Variants in CYB5R2 observed in about 807,000 individuals in gnomAD.
The protein encoded by CYB5R2 is NADH-cytochrome b5 reductase 2.
CYB5R2 carries 35 observed loss-of-function variants against 29.8 expected under a neutral mutation model. The observed-to-expected ratio is 1.17, with a 90% CI of 0.90 to 1.56. CYB5R2 has a LOEUF of 1.56. Ranked by LOEUF, CYB5R2 falls within the 40% of genes most tolerant of loss-of-function variation. The probability of loss-of-function intolerance (pLI) is 0.00; values close to 1 mark genes in which losing one functional copy is unlikely to be tolerated. For missense variants in CYB5R2, 419 were observed against 346.7 expected (o/e 1.21, Z -1.66); for synonymous variants, 169 against 130.6 (o/e 1.29, Z -2.01).
rs778340206 is a variant in CYB5R2 at position 7,668,437 on chromosome 11, C to T, written c.472+41G>A. On this transcript the variant is annotated intron_variant, in intron 6 of 8. Coordinates refer to ENST00000299498, the MANE Select transcript of CYB5R2 (RefSeq NM_016229.5). ...ATGACTCCCAAGTCAGAATGGGTCT[C>T]GGGGCTCACTCTCTGGATGGAGCCC... 1.2e-5 allele frequency: 18 copies of T among 1,466,954 alleles called. No individual in the cohort carries two copies. In the South Asian group the frequency reaches 1.2e-4, roughly 10 times the overall value. 90.9% of individuals were successfully genotyped at this position (1,466,954 alleles called of 1,614,324 possible). A position where few individuals can be genotyped will look rare whatever the true frequency, so the allele number is the denominator to read the frequency against.
upstream of CYB5R2, chr11:7,673,977 G>A (rs1017029861): frequency 5.2e-5 from 58 of 1,106,924 alleles, no homozygotes; most frequent in African/African-American, 8.4e-4. Context: ...GGTCAGCCCT[G>A]CCCCCAGGGC....
Position 7,669,212 on chromosome 11 carries a change from A to C in CYB5R2, c.381T>G (p.His127Gln). 1 of 1,614,070 alleles carries C rather than the reference A, an allele frequency of 6.2e-7. No homozygotes were observed. The highest frequency in any genetic ancestry group is 8.5e-7 in the Non-Finnish European group (1 of 1,179,976). ...FRGPRGRLFY[H>Q]GPGNLGIRPD... ...TATTAACCCCTCCAGTACCTGGCCC[A>C]TGGTAAAACAAGCGTCCCCTTGGCC... Residue 127 changes from histidine (H) to glutamine (Q), a missense_variant, in exon 5 of 9, where the codon CAT (histidine) becomes CAG (glutamine). Physicochemically the swap from His to Gln is conservative, Grantham distance 24. Coordinates refer to ENST00000299498, the MANE Select transcript of CYB5R2 (RefSeq NM_016229.5).
At chr11:7,666,046 GGGGCTCA>G in intron 8 of CYB5R2, 1 of 791,960 alleles carries the variant, frequency 1.3e-6, no homozygotes. Flanking sequence ...CAGCTGTCTG[GGGGCTCA>G]GCATGTCCAG....
At chr11:7,667,846 C>G in intron 6 of CYB5R2, 33 bp from the exon 7 acceptor site, 1 of 1,585,168 alleles carries the variant, frequency 6.3e-7, no homozygotes, top group Non-Finnish European at 8.7e-7. Context: ...CCAGCTTTCT[C>G]CCTGTCTCTG....
At chr11:7,673,621 C>G (rs1308669208), upstream of CYB5R2, 4 of 985,368 alleles carry the variant, frequency 4.1e-6, no homozygotes, top group African/African-American at 3.5e-5. Context: ...GTTCCCGGCT[C>G]TAGCCGGCCT....
At chr11:7,666,835 G>C in intron 7 of CYB5R2, 1 of 282,372 alleles carries the variant, frequency 3.5e-6, no homozygotes, top group Non-Finnish European at 6.8e-6. Flanking sequence ...CCAAGCGCTG[G>C]CCAGGATGGC....
rs1855226813 is a variant in CYB5R2 at position 7,666,425 on chromosome 11, G to A, written c.658+26C>T. 4 of 1,472,918 alleles carry A rather than the reference G, an allele frequency of 2.7e-6. No homozygotes were observed. In the East Asian group the frequency reaches 9.0e-5, roughly 33 times the overall value. 91.2% of individuals were successfully genotyped at this position (1,472,918 alleles called of 1,614,324 possible). On this transcript the variant is annotated intron_variant, in intron 8 of 8. Coordinates refer to ENST00000299498, the MANE Select transcript of CYB5R2 (RefSeq NM_016229.5). Reference sequence around the variant, plus strand: ...GGTCAAGGGTTGGTGCTGACCCATGGTGAGTGAGGGCAATGGATGTCGTAC... The same window carrying A: ...GGTCAAGGGTTGGTGCTGACCCATGATGAGTGAGGGCAATGGATGTCGTAC...
At chr11:7,673,741 C>G (rs1010709436), upstream of CYB5R2, 4 of 985,768 alleles carry the variant, frequency 4.1e-6, no homozygotes, top group African/African-American at 1.8e-5. Flanking sequence ...CCCAACACGT[C>G]GTCGAACTGG....
Position 7,673,423 on chromosome 11 carries a change from C to T in CYB5R2, c.-71G>A. The T allele has an allele frequency of 1.0e-6, 1 of 989,616 alleles. No individual in the cohort carries two copies. Among genetic ancestry groups the T allele is most frequent in the Non-Finnish European group, 1.2e-6 (1 of 832,302 alleles). The allele number at this position is 989,616 out of a possible 1,614,324, so 61.3% of individuals were successfully genotyped here. A position where few individuals can be genotyped will look rare whatever the true frequency, so the allele number is the denominator to read the frequency against. On this transcript the variant is annotated 5_prime_UTR_variant, in exon 1 of 9. Transcript: ENST00000299498. ...CCTCCCCGCATCTGTCCCTACCCTACAAGGCCGCCCTGCTCCTCTCCCAAC... is the reference window on the plus strand; with the variant it reads ...CCTCCCCGCATCTGTCCCTACCCTATAAGGCCGCCCTGCTCCTCTCCCAAC...
At chr11:7,670,572 T>C (rs185232169) in intron 3 of CYB5R2, 7 of 152,292 alleles carry the variant, frequency 4.6e-5, no homozygotes, top group African/African-American at 7.2e-5. Flanking sequence ...GAAACAACAA[T>C]ATCATGTCTT....
rs144288987 is a variant in CYB5R2 at position 7,669,703 on chromosome 11, G to T, written c.180C>A (p.Ile60=). ...AAGCCCTGACCACCAATTCATTATC[G>T]ATTTTTGCCAAGAGCTGGACATAGT... ...VGNYVQLLAK[I]DNELVVRAYT... The change falls in exon 4 of 9, where the codon ATC becomes ATA. Residue 60 remains isoleucine, a synonymous_variant. Transcript: ENST00000299498. 9 of 1,614,038 alleles carry T rather than the reference G, an allele frequency of 5.6e-6. No homozygotes were observed. In the Admixed American group the frequency reaches 1.3e-4, roughly 24 times the overall value.
At chr11:7,666,121 G>A (rs1181830178) in intron 8 of CYB5R2, 7 of 616,706 alleles carry the variant, frequency 1.1e-5, no homozygotes, top group Non-Finnish European at 1.7e-5. Flanking sequence ...TGGTGAAGGG[G>A]TCAGTGCCCA....
chr11:7,665,698 C>T, intron 8 of CYB5R2, 152 bp from the exon 9 acceptor site: 1 of 1,152,000 alleles, frequency 8.7e-7, no homozygotes, highest in Non-Finnish European at 1.2e-6. Flanking sequence ...TGCAAAAAGC[C>T]TCAGAACTAG....
At position 7,665,364 on chromosome 11, in the gene CYB5R2, C is replaced by CATG. The variant is rs759937550; in HGVS notation, c.*9_*10insCAT. The CATG allele has an allele frequency of 5.6e-6, 8 of 1,438,834 alleles. No individual in the cohort carries two copies. The highest frequency in any genetic ancestry group is 7.4e-6 in the Non-Finnish European group (8 of 1,084,182). The allele number at this position is 1,438,834 out of a possible 1,614,324, so 89.1% of individuals were successfully genotyped here. A position where few individuals can be genotyped will look rare whatever the true frequency, so the allele number is the denominator to read the frequency against. ...AAGGGACATGCAAAATTGCTGAGCACGTGGAGGTGTTAGTAGGTGAAAATC... is the reference window on the plus strand; with the variant it reads ...AAGGGACATGCAAAATTGCTGAGCACATGGTGGAGGTGTTAGTAGGTGAAAATC... On this transcript the variant is annotated 3_prime_UTR_variant, in exon 9 of 9. Transcript: ENST00000299498.
chr11:7,672,564 G>C (rs778537314), intron 2 of CYB5R2, 41 bp from the exon 3 acceptor site: 2 of 1,604,076 alleles, frequency 1.2e-6, no homozygotes, highest in South Asian at 1.1e-5. Context: ...CAGCTTTCTA[G>C]AAGCCTTGCT....
chr11:7,673,685 T>C (rs3903566), upstream of CYB5R2: 14,096 of 984,920 alleles, frequency 0.014, 351 homozygotes, highest in African/African-American at 0.093. Context: ...ATTTCTTCAA[T>C]ACTCCATAAA....
intron 2 of CYB5R2, 99 bp from the exon 3 acceptor site, chr11:7,672,622 GCA>G (rs57207415): frequency 0.13 from 162,344 of 1,205,840 alleles, 5,985 homozygotes; most frequent in East Asian, 0.25. Flanking sequence ...CGCTATTCCA[GCA>G]CACACACACA....
Position 7,666,623 on chromosome 11 carries a change from A to T in CYB5R2, c.559-73T>A, listed in dbSNP as rs1212019079. Reference sequence around the variant, plus strand: ...GTTCCCTGGACTGACTACACCGGTCAGCATACTCCTGGCCAAAGCTGCCAC... The same window carrying T: ...GTTCCCTGGACTGACTACACCGGTCTGCATACTCCTGGCCAAAGCTGCCAC... On this transcript the variant is annotated intron_variant, in intron 7 of 8. Coordinates refer to ENST00000299498, the MANE Select transcript of CYB5R2 (RefSeq NM_016229.5). The T allele has an allele frequency of 3.3e-5, 37 of 1,116,408 alleles. No homozygotes were observed. The East Asian group carries it at 8.4e-4, about 25-fold the overall frequency. 69.2% of individuals were successfully genotyped at this position (1,116,408 alleles called of 1,614,324 possible).
chr11:7,670,733 C>T (rs1465702416), intron 3 of CYB5R2: 1 of 152,190 alleles, frequency 6.6e-6, no homozygotes, highest in Admixed American at 6.5e-5. Flanking sequence ...GCAGCTACGA[C>T]CTGTTGGATC....
Sources: gnomAD v4.1 joint callset for allele counts on GRCh38, gnomAD v4.1.1 for gene constraint, MANE v1.5 for transcripts, NCBI Gene and HGNC (gene_info 2026-07-23, HGNC 2026-07-21) for gene names.